The following ERC1 variants were observed in gnomAD, a reference collection of about 807,000 sequenced individuals.
ERC1 encodes the protein RAB6 interacting protein 2.
ERC1 carries 56 observed loss-of-function variants against 132.0 expected under a neutral mutation model. The ratio of observed to expected loss-of-function variants is 0.42; its 90% CI spans 0.34 to 0.53. ERC1 has a LOEUF of 0.53. Among genes scored for constraint, ERC1 ranks in the 20% least tolerant of loss-of-function variants. ERC1 has a pLI of 0.03. For synonymous variants in ERC1, 478 were observed against 476.1 expected, an observed-to-expected ratio of 1.00 and a Z score of -0.05; for missense variants, 1,202 against 1,349.9, an observed-to-expected ratio of 0.89 and a Z score of 1.72.
chr12:1,315,749 G>A (rs1338824569), intron 15 of ERC1, among the ~76,000 whole-genome samples: 1 of 152,190 alleles, frequency 6.6e-6, no homozygotes, highest in Admixed American at 6.5e-5. Flanking sequence ...GAGCGAGAGA[G>A]AGGAAAGAAG....
chr12:1,333,368 C>G (rs1022251554), intron 15 of ERC1, among the ~76,000 whole-genome samples: 15 of 134,628 alleles, frequency 1.1e-4, no homozygotes, highest in Non-Finnish European at 2.0e-4. Context: ...GAGTCTCACT[C>G]TGTCGCCAGG....
chr12:1,247,221 C>T (rs987396335), intron 13 of ERC1, among the ~76,000 whole-genome samples: 4 of 151,496 alleles, frequency 2.6e-5, no homozygotes, highest in African/African-American at 9.7e-5. Context: ...AGAGTGAGAC[C>T]CTGTCTCAAA....
At chr12:1,487,795 G>T (rs2094253010) in intron 18 of ERC1, among the ~76,000 whole-genome samples, 2 of 123,942 alleles carry the variant, frequency 1.6e-5, no homozygotes, top group South Asian at 5.2e-4. Context: ...AAGAAAAGAA[G>T]GAAAGAAAAG....
chr12:1,438,958 T>A (rs2369847), intron 17 of ERC1, among the ~76,000 whole-genome samples: 174 of 141,878 alleles, frequency 1.2e-3, no homozygotes, highest in East Asian at 4.9e-3. Flanking sequence ...AAAAAAAATA[T>A]ATATATATAT....
At chr12:1,392,867 G>A (rs946566593) in intron 16 of ERC1, among the ~76,000 whole-genome samples, 1 of 152,108 alleles carries the variant, frequency 6.6e-6, no homozygotes, top group Non-Finnish European at 1.5e-5. Flanking sequence ...GTACAAAAAA[G>A]AAACTTTAGA....
At chr12:1,479,738 A>G (rs1378790567) in intron 18 of ERC1, among the ~76,000 whole-genome samples, 1 of 152,162 alleles carries the variant, frequency 6.6e-6, no homozygotes, top group African/African-American at 2.4e-5. Context: ...GGACAGAGAC[A>G]TGGAGAGTTA....
intron 8 of ERC1, among the ~76,000 whole-genome samples, chr12:1,173,673 A>C (rs866374056): frequency 6.6e-6 from 1 of 152,272 alleles, no homozygotes; most frequent in Non-Finnish European, 1.5e-5. Flanking sequence ...ATACTGAAAT[A>C]ATATGATATG....
intron 17 of ERC1, among the ~76,000 whole-genome samples, chr12:1,436,174 A>G (rs1204753702): frequency 7.2e-5 from 11 of 151,884 alleles, no homozygotes; most frequent in Admixed American, 7.2e-4. Flanking sequence ...ACACACACAC[A>G]CACACACGTG....
intron 17 of ERC1, among the ~76,000 whole-genome samples, chr12:1,440,439 C>A (rs887744177): frequency 1.3e-5 from 2 of 150,668 alleles, no homozygotes; most frequent in Non-Finnish European, 3.0e-5. Flanking sequence ...ATCTCCTGAC[C>A]TCGTGATCTG....
intron 1 of ERC1, among the ~76,000 whole-genome samples, chr12:1,004,941 C>A (rs1446597941): frequency 6.6e-6 from 1 of 151,614 alleles, no homozygotes; most frequent in Non-Finnish European, 1.5e-5. Flanking sequence ...TATTTAACTT[C>A]TGATTCATCA....
At chr12:1,312,421 G>A (rs1346394001) in intron 15 of ERC1, among the ~76,000 whole-genome samples, 1 of 152,114 alleles carries the variant, frequency 6.6e-6, no homozygotes, top group Non-Finnish European at 1.5e-5. Flanking sequence ...GAATGCAGTG[G>A]CGGGATCTCG....
intron 12 of ERC1, among the ~76,000 whole-genome samples, chr12:1,229,519 T>C (rs1227293396): frequency 3.3e-5 from 5 of 152,116 alleles, no homozygotes; most frequent in African/African-American, 1.2e-4. Flanking sequence ...TTCAATTTTG[T>C]TGTTGTTGTT....
At chr12:1,166,230 G>A (rs1952415738) in intron 8 of ERC1, among the ~76,000 whole-genome samples, 2 of 152,134 alleles carry the variant, frequency 1.3e-5, no homozygotes, top group South Asian at 2.1e-4. Context: ...TCATGGGATG[G>A]GTCTTTCTCG....
intron 12 of ERC1, among the ~76,000 whole-genome samples, chr12:1,195,596 AC>A (rs1956144492): frequency 6.6e-6 from 1 of 152,156 alleles, no homozygotes. Context: ...AAGAAAGATG[AC>A]CCCTTTCTCC....
At chr12:1,020,409 A>T (rs1966176007) in intron 1 of ERC1, among the ~76,000 whole-genome samples, 1 of 152,228 alleles carries the variant, frequency 6.6e-6, no homozygotes, top group Non-Finnish European at 1.5e-5. Context: ...GTGAGCCAAG[A>T]TTGTGCTACT....
At chr12:1,196,941 CACACACACACACACACACACATAT>C (rs1566214430) in intron 12 of ERC1, among the ~76,000 whole-genome samples, 1 of 42,394 alleles carries the variant, frequency 2.4e-5, no homozygotes, top group Non-Finnish European at 4.3e-5. Context: ...CACACACACA[CACACACACACACACACACACATAT>C]ATATATATAT....
intron 14 of ERC1, among the ~76,000 whole-genome samples, chr12:1,266,303 T>C (rs2077473129): frequency 1.3e-5 from 2 of 151,974 alleles, no homozygotes; most frequent in Non-Finnish European, 2.9e-5. Flanking sequence ...AAGAAATTGC[T>C]TTTATGTTTA....
At chr12:1,081,048 C>T (rs1485273844) in intron 2 of ERC1, among the ~76,000 whole-genome samples, 1 of 152,096 alleles carries the variant, frequency 6.6e-6, no homozygotes, top group African/African-American at 2.4e-5. Context: ...AACTAGTCAG[C>T]GTGAGAGTCA....
intron 16 of ERC1, among the ~76,000 whole-genome samples, chr12:1,375,495 CT>C (rs1294975409): frequency 1.3e-5 from 2 of 152,296 alleles, no homozygotes; most frequent in Admixed American, 1.3e-4. Context: ...GCCTTGCCAA[CT>C]TTTTCTGCTG....
Sources: allele counts gnomAD v4.1 joint callset (sites outside exome capture counted in the v4.1 genomes callset), GRCh38; gene constraint gnomAD v4.1.1; transcripts MANE v1.5; gene names NCBI Gene and HGNC (gene_info 2026-07-23, HGNC 2026-07-21).